Variants in SPATA31H1 observed in about 807,000 individuals in gnomAD.
SPATA31H1 encodes the protein spermatogenesis-associated protein 31H1.
At chr2:27,568,108 T>C in the SPATA31H1 span, 1 of 398,974 alleles carries the variant, frequency 2.5e-6, no homozygotes, top group Non-Finnish European at 4.4e-6. Flanking sequence ...GTAACTCCTG[T>C]AGCACTGCTT....
the SPATA31H1 span, among the ~76,000 whole-genome samples, chr2:27,561,686 A>T: frequency 5.3e-5 from 8 of 151,690 alleles, no homozygotes; most frequent in South Asian, 1.5e-3. Context: ...TTTTCTCTAT[A>T]ATGAGCCAGT....
At chr2:27,543,026 G>C in the SPATA31H1 span, among the ~76,000 whole-genome samples, 1 of 151,996 alleles carries the variant, frequency 6.6e-6, no homozygotes, top group Non-Finnish European at 1.5e-5. Flanking sequence ...CTGGGAGGCG[G>C]AGGTTGCAGT....
the SPATA31H1 span, among the ~76,000 whole-genome samples, chr2:27,559,161 T>G: frequency 6.6e-6 from 1 of 152,212 alleles, no homozygotes; most frequent in Non-Finnish European, 1.5e-5. Context: ...CTGGATAAAG[T>G]TACTTTCCTC....
the SPATA31H1 span, chr2:27,577,995 A>C: frequency 1.2e-6 from 2 of 1,614,166 alleles, no homozygotes; most frequent in Non-Finnish European, 8.5e-7. The surrounding 1 kb of genome is among the most constrained non-coding windows in gnomAD (Gnocchi z 4.5). Flanking sequence ...TGTAGAATTT[A>C]TGAGGATTAG....
At chr2:27,570,019 A>G in the SPATA31H1 span, 21 of 398,942 alleles carry the variant, frequency 5.3e-5, no homozygotes, top group South Asian at 2.4e-3. Context: ...CCAACACATC[A>G]AAGTGTCAAA....
At chr2:27,576,628 C>T in the SPATA31H1 span, 1 of 1,610,960 alleles carries the variant, frequency 6.2e-7, no homozygotes, top group African/African-American at 1.3e-5. Context: ...GAGTTGACTT[C>T]AGGATGGCAA....
the SPATA31H1 span, chr2:27,571,701 C>A: frequency 2.5e-6 from 1 of 398,466 alleles, no homozygotes; most frequent in Admixed American, 4.4e-5. Flanking sequence ...CCCACAAATG[C>A]AAGATATGAA....
the SPATA31H1 span, among the ~76,000 whole-genome samples, chr2:27,556,920 G>C: frequency 6.0e-5 from 5 of 82,950 alleles, no homozygotes; most frequent in Non-Finnish European, 9.4e-5. Context: ...GACTCTTAAC[G>C]AGCATGCTGC....
the SPATA31H1 span, chr2:27,577,664 G>C: frequency 1.9e-6 from 3 of 1,614,064 alleles, no homozygotes; most frequent in African/African-American, 2.7e-5. This position sits in a 1 kb window ranked among gnomAD's most constrained non-coding sequence, Gnocchi z 4.5. Context: ...CTGTGGAGTT[G>C]ACTTCTAAGT....
chr2:27,537,542 A>G, the SPATA31H1 span: 2 of 717,364 alleles, frequency 2.8e-6, no homozygotes, highest in Non-Finnish European at 5.2e-6. Flanking sequence ...CGGAGCTGGA[A>G]GCAGGTGGCA....
the SPATA31H1 span, chr2:27,576,972 G>A: frequency 3.1e-6 from 5 of 1,613,948 alleles, no homozygotes; most frequent in African/African-American, 6.7e-5. Context: ...AAAATATGCA[G>A]AGATGATCCC....
At chr2:27,552,540 C>G in the SPATA31H1 span, among the ~76,000 whole-genome samples, 3 of 151,908 alleles carry the variant, frequency 2.0e-5, no homozygotes, top group Non-Finnish European at 4.4e-5. Flanking sequence ...CAACTTTGTT[C>G]TTTTTCAAGA....
chr2:27,538,462 C>T, the SPATA31H1 span, among the ~76,000 whole-genome samples: 2 of 152,108 alleles, frequency 1.3e-5, no homozygotes, highest in African/African-American at 4.8e-5. Flanking sequence ...TATGGTAGTT[C>T]TCTGGCATAG....
At chr2:27,578,134 T>G in the SPATA31H1 span, 1 of 1,614,098 alleles carries the variant, frequency 6.2e-7, no homozygotes, top group Non-Finnish European at 8.5e-7. Context: ...GGACCACCAT[T>G]TCAAATTGTA....
the SPATA31H1 span, chr2:27,577,299 C>T: frequency 1.2e-6 from 2 of 1,614,014 alleles, no homozygotes; most frequent in African/African-American, 1.3e-5. The surrounding 1 kb of genome is among the most constrained non-coding windows in gnomAD (Gnocchi z 4.5). Context: ...TCAGTCACGG[C>T]CCCGAGTTAA....
chr2:27,555,223 C>T, the SPATA31H1 span, among the ~76,000 whole-genome samples: 2 of 151,774 alleles, frequency 1.3e-5, no homozygotes, highest in Non-Finnish European at 1.5e-5. Context: ...AAAATCTTTG[C>T]GTTCTTGGAA....
chr2:27,576,845 G>A, the SPATA31H1 span: 82 of 1,613,972 alleles, frequency 5.1e-5, 1 homozygote, highest in East Asian at 1.6e-3. Context: ...TAAAATCTGT[G>A]GAATTAGCAC....
the SPATA31H1 span, chr2:27,572,207 AT>A: frequency 2.5e-6 from 1 of 398,380 alleles, no homozygotes; most frequent in Non-Finnish European, 4.4e-6. Flanking sequence ...AAAGTATGAA[AT>A]CTCCCAAGTT....
chr2:27,556,081 G>T, the SPATA31H1 span, among the ~76,000 whole-genome samples: 1 of 146,880 alleles, frequency 6.8e-6, no homozygotes, highest in East Asian at 2.0e-4. Flanking sequence ...GCAGTGAGCC[G>T]AGATCGCGCC....
Sources: gnomAD v4.1 joint callset for allele counts (sites outside exome capture counted in the v4.1 genomes callset) on GRCh38, gnomAD v4.1.1 for gene constraint, Gnocchi (gnomAD v3.1) non-coding constraint, MANE v1.5 for transcripts, NCBI Gene and HGNC (gene_info 2026-07-23, HGNC 2026-07-21) for gene names.